Variants in DRD3 observed in about 807,000 individuals in gnomAD.
DRD3 encodes the protein D(3) dopamine receptor.
DRD3 carries 19 observed loss-of-function variants against 36.3 expected under a neutral mutation model. The ratio of observed to expected loss-of-function variants is 0.52; its 90% confidence interval spans 0.36 to 0.77. The LOEUF (loss-of-function observed/expected upper bound fraction) is 0.77. Ranked by LOEUF, DRD3 falls within the 30% of genes least tolerant of loss-of-function variation. The pLI, the probability that DRD3 is intolerant of heterozygous loss-of-function variation, is 0.00. For missense variants in DRD3, 465 were observed against 505.3 expected (o/e 0.92, Z 0.77); for synonymous variants, 195 against 203.7 (o/e 0.96, Z 0.36).
At chr3:114,136,892 C>A (rs1377574054) in intron 5 of DRD3, among the ~76,000 whole-genome samples, 1 of 152,204 alleles carries the variant, frequency 6.6e-6, no homozygotes, top group East Asian at 1.9e-4. Context: ...AAATATGGCA[C>A]TTGAAATTTT....
At chr3:114,191,126 G>A (rs926354833) in intron 1 of DRD3, among the ~76,000 whole-genome samples, 4 of 152,150 alleles carry the variant, frequency 2.6e-5, no homozygotes, top group African/African-American at 4.8e-5. Flanking sequence ...CCTGTTTTGG[G>A]CCTAGAGAAT....
At chr3:114,176,946 C>A (rs2077905746) in intron 1 of DRD3, among the ~76,000 whole-genome samples, 1 of 152,116 alleles carries the variant, frequency 6.6e-6, no homozygotes, top group Non-Finnish European at 1.5e-5. Context: ...AAAGGTGAGT[C>A]ACAGAGAGGT....
chr3:114,145,555 T>A (rs1327656393), intron 4 of DRD3, among the ~76,000 whole-genome samples: 1 of 152,202 alleles, frequency 6.6e-6, no homozygotes, highest in Non-Finnish European at 1.5e-5. Flanking sequence ...CAGCCTTGAG[T>A]AGGCGGTACG....
In DRD3 at chr3:114,134,779, C is replaced by T. The variant is rs903279063; in HGVS notation, c.724-3379G>A. Among the ~76,000 whole-genome samples the T allele has an allele frequency of 3.9e-5, 6 of 152,158 alleles. No homozygotes were observed. The South Asian group carries it at 1.2e-3, about 32-fold the overall frequency. On this transcript the variant is annotated intron_variant, in intron 5 of 6. Coordinates refer to ENST00000383673, the MANE Select transcript of DRD3 (RefSeq NM_000796.6). Reference sequence around the variant, plus strand: ...TTCTTAGGAATTCTAGAATAATATACATTTTTTTCTTGAAGATTTTAAAAA... The same window carrying T: ...TTCTTAGGAATTCTAGAATAATATATATTTTTTTCTTGAAGATTTTAAAAA...
chr3:114,180,513 C>T, upstream of DRD3, among the ~76,000 whole-genome samples: 1 of 152,106 alleles, frequency 6.6e-6, no homozygotes, highest in East Asian at 1.9e-4. Flanking sequence ...CATCTGTCTG[C>T]AAGCCAAGGA....
chr3:114,196,734 C>G (rs2107908647), intron 1 of DRD3, among the ~76,000 whole-genome samples: 1 of 152,282 alleles, frequency 6.6e-6, no homozygotes, highest in Middle Eastern at 3.4e-3. Context: ...AATAACGATG[C>G]TGGGCATCTT....
At chr3:114,139,416 G>A (rs9828046) in intron 5 of DRD3, 84 bp downstream of exon 5, 39,903 of 1,334,702 alleles carry the variant, frequency 0.03, 900 homozygotes, top group African/African-American at 0.1. Context: ...TTAGCTAAAC[G>A]GCAAAATCAT....
At position 114,139,646 on chromosome 3, in the gene DRD3, A is replaced by G; in HGVS notation, c.577T>C (p.Ser193Pro). 6.2e-7 allele frequency: 1 copy of G among 1,614,186 alleles called. No homozygotes were observed. The highest frequency in any genetic ancestry group is 1.3e-5 in the African/African-American group (1 of 75,036). Residue 193 changes from serine (S) to proline (P), a missense_variant, in exon 5 of 7, where the codon TCA becomes CCA. By Grantham distance (74) the Ser-to-Pro change is moderately conservative. Transcript: ENST00000383673. ...ISNPDFVIYS[S>P]VVSFYLPFGV... ...AAGGGCAGGTAGAAGGACACCACTGAAGAGTAGATGACAAAATCAGGGTTG... is the reference window on the plus strand; with the variant it reads ...AAGGGCAGGTAGAAGGACACCACTGGAGAGTAGATGACAAAATCAGGGTTG...
chr3:114,140,098 G>A (rs907004071), intron 4 of DRD3, among the ~76,000 whole-genome samples: 1 of 152,214 alleles, frequency 6.6e-6, no homozygotes, highest in Non-Finnish European at 1.5e-5. Context: ...AGGCTCCCAG[G>A]AGGGATGCAG....
chr3:114,137,259 A>G (rs1422824499), intron 5 of DRD3, among the ~76,000 whole-genome samples: 1 of 152,296 alleles, frequency 6.6e-6, no homozygotes, highest in African/African-American at 2.4e-5. Context: ...GTGGCATGTG[A>G]TGGAAATCAG....
At position 114,191,651 on chromosome 3, in the gene DRD3, G is replaced by C. The variant is rs191306694; in HGVS notation, c.-156+7622C>G. Among the ~76,000 whole-genome samples, 29 of 152,324 alleles carry C rather than the reference G, an allele frequency of 1.9e-4. No individual in the cohort carries two copies. The East Asian group carries it at 5.4e-3, about 28-fold the overall frequency. ...GAGCAAGCCAGGGCGTGGGGAGGCT[G>C]TTACGGTAACTCAGAAGCAAGTTGG... is the stretch of plus-strand genomic sequence containing the variant. On this transcript the variant is annotated intron_variant, in intron 1 of 7. Coordinates refer to the DRD3 transcript ENST00000460779.
intron 1 of DRD3, among the ~76,000 whole-genome samples, chr3:114,190,875 G>A (rs2078007476): frequency 6.6e-6 from 1 of 152,082 alleles, no homozygotes; most frequent in Non-Finnish European, 1.5e-5. Flanking sequence ...AGTCAGAGCT[G>A]TGTGTATGGA....
chr3:114,197,754 C>A (rs2078045206), intron 1 of DRD3, among the ~76,000 whole-genome samples: 1 of 152,148 alleles, frequency 6.6e-6, no homozygotes, highest in East Asian at 1.9e-4. Flanking sequence ...GTGTCCATAT[C>A]TATCTAGGTA....
At chr3:114,145,649 T>C (rs1471559456) in intron 4 of DRD3, among the ~76,000 whole-genome samples, 1 of 152,254 alleles carries the variant, frequency 6.6e-6, no homozygotes, top group East Asian at 1.9e-4. Flanking sequence ...AGTGGAGTTA[T>C]ATGTAGTCTT....
Position 114,156,773 on chromosome 3 carries a change from T to G in DRD3, c.383+2982A>C, listed in dbSNP as rs1006773038. Among the ~76,000 whole-genome samples the G allele has an allele frequency of 5.4e-3, 684 of 126,944 alleles. 11 individuals are homozygous for G. The highest frequency in any genetic ancestry group is 0.019 in the African/African-American group (640 of 34,016). The allele number at this position is 126,944 out of a possible 152,430, so 83.3% of individuals were successfully genotyped here. A position where few individuals can be genotyped will look rare whatever the true frequency, so the allele number is the denominator to read the frequency against. Reference sequence around the variant, plus strand: ...TTTCTTTCTTTCTTTCTTTCTTTCTTTCTTTCTTTCTTTCTTTCTTTCTTT... The same window carrying G: ...TTTCTTTCTTTCTTTCTTTCTTTCTGTCTTTCTTTCTTTCTTTCTTTCTTT... On this transcript the variant is annotated intron_variant, in intron 3 of 6. Coordinates refer to ENST00000383673, the MANE Select transcript of DRD3 (RefSeq NM_000796.6).
chr3:114,195,371 T>C (rs760999852), intron 1 of DRD3, among the ~76,000 whole-genome samples: 19 of 152,234 alleles, frequency 1.2e-4, no homozygotes, highest in Non-Finnish European at 2.2e-4. Flanking sequence ...GATATTGTAC[T>C]GATTCACTAT....
chr3:114,190,440 A>T (rs1271360087), intron 1 of DRD3, among the ~76,000 whole-genome samples: 3 of 9,966 alleles, frequency 3.0e-4, no homozygotes, highest in African/African-American at 4.3e-4. Context: ...ATATATATAT[A>T]TATATATATA....
intron 1 of DRD3, among the ~76,000 whole-genome samples, chr3:114,190,159 T>A (rs184848470): frequency 2.0e-5 from 3 of 151,970 alleles, no homozygotes; most frequent in African/African-American, 7.2e-5. Context: ...GGGGAGCAAC[T>A]AATATATGAG....
intron 4 of DRD3, among the ~76,000 whole-genome samples, chr3:114,142,978 C>T (rs993004815): frequency 6.6e-6 from 1 of 152,196 alleles, no homozygotes; most frequent in Non-Finnish European, 1.5e-5. Context: ...GCAGGCCTGG[C>T]CCTGGGTGTG....
Sources: gnomAD v4.1 joint callset for allele counts (sites outside exome capture counted in the v4.1 genomes callset) on GRCh38, gnomAD v4.1.1 for gene constraint, MANE v1.5 for transcripts, NCBI Gene and HGNC (gene_info 2026-07-23, HGNC 2026-07-21) for gene names.